The following CCSER2 variants were observed in gnomAD, a reference collection of about 807,000 sequenced individuals.
CCSER2 encodes the protein coiled-coil serine rich protein 2, also known as serine-rich coiled-coil domain-containing protein 2.
A neutral mutation model predicts 92.3 loss-of-function variants in CCSER2; 46 were observed. That is an observed-to-expected ratio of 0.50 (90% CI 0.39 to 0.64). The LOEUF is 0.64. Among genes scored for constraint, CCSER2 ranks in the 30% least tolerant of loss-of-function variants. CCSER2 has a pLI of 0.00. For synonymous variants in CCSER2, 433 were observed against 431.4 expected (o/e 1.00, Z -0.04); for missense variants, 1,244 against 1,238.9 (o/e 1.00, Z -0.06).
chr10:84,367,108 A>G (rs1488588093), intron 1 of CCSER2, among the ~76,000 whole-genome samples: 10 of 151,876 alleles, frequency 6.6e-5, no homozygotes, highest in Admixed American at 5.2e-4. Context: ...TTTTTTCTCT[A>G]CTTGTATTTC....
chr10:84,439,175 TCTC>T (rs935731586), intron 6 of CCSER2, among the ~76,000 whole-genome samples: 9 of 144,742 alleles, frequency 6.2e-5, no homozygotes, highest in Non-Finnish European at 1.0e-4. Flanking sequence ...AGTTTAATCT[TCTC>T]CTGTTTTTTT....
rs1001669399 is a variant in CCSER2, at chr10:84,515,865, T to C, written c.*1598T>C. 4 of 152,234 alleles carry C rather than the reference T, an allele frequency of 2.6e-5. No homozygotes were observed. The highest frequency in any genetic ancestry group is 9.6e-5 in the African/African-American group (4 of 41,454). The allele number at this position is 152,234 out of a possible 1,614,324, so 9.4% of individuals were successfully genotyped here. Reference sequence around the variant, plus strand: ...TAGGTGTGGAACCTCCATGCTACCATGTGCACAAACCTAATTATGCTTTGG... The same window carrying C: ...TAGGTGTGGAACCTCCATGCTACCACGTGCACAAACCTAATTATGCTTTGG... On this transcript the variant is annotated 3_prime_UTR_variant, in exon 10 of 10. Coordinates refer to ENST00000372088, the MANE Select transcript of CCSER2 (RefSeq NM_001284240.2).
At chr10:84,385,004 A>AAC (rs56977232) in intron 3 of CCSER2, among the ~76,000 whole-genome samples, 3,823 of 145,826 alleles carry the variant, frequency 0.026, 64 homozygotes, top group African/African-American at 0.059. Context: ...ATTTACAATA[A>AAC]ACACACACAC....
intron 1 of CCSER2, among the ~76,000 whole-genome samples, chr10:84,370,799 C>T (rs1229692526): frequency 6.6e-6 from 1 of 152,116 alleles, no homozygotes; most frequent in Non-Finnish European, 1.5e-5. Context: ...TCATAGCATA[C>T]ATTTATAAAA....
At chr10:84,375,508 C>T (rs1339094847) in intron 3 of CCSER2, among the ~76,000 whole-genome samples, 1 of 145,052 alleles carries the variant, frequency 6.9e-6, no homozygotes, top group Non-Finnish European at 1.5e-5. Context: ...AAATTTTAGG[C>T]GTGTACCTGT....
At chr10:84,338,840 G>A (rs544860103) in intron 1 of CCSER2, among the ~76,000 whole-genome samples, 1 of 152,246 alleles carries the variant, frequency 6.6e-6, no homozygotes, top group South Asian at 2.1e-4. Context: ...TGTGTTGAAA[G>A]CACATATTAC....
intron 1 of CCSER2, among the ~76,000 whole-genome samples, chr10:84,351,476 C>T (rs77541202): frequency 0.058 from 8,855 of 152,110 alleles, 371 homozygotes; most frequent in Admixed American, 0.1. Context: ...AAGTGAGCCA[C>T]TCACCTTGGC....
At chr10:84,379,452 G>GT (rs954579953) in intron 3 of CCSER2, among the ~76,000 whole-genome samples, 8 of 151,480 alleles carry the variant, frequency 5.3e-5, no homozygotes, top group Non-Finnish European at 1.0e-4. Flanking sequence ...AGTTTAATTT[G>GT]TTTTTTCTTT....
intron 9 of CCSER2, among the ~76,000 whole-genome samples, chr10:84,479,894 A>AG: frequency 6.6e-6 from 1 of 152,148 alleles, no homozygotes; most frequent in Non-Finnish European, 1.5e-5. Context: ...AGCTCTGGGA[A>AG]GGGAGGACAG....
chr10:84,455,736 G>C (rs1031381531), intron 6 of CCSER2: 1 of 954,708 alleles, frequency 1.0e-6, no homozygotes, highest in Non-Finnish European at 1.7e-6. Context: ...TCTGTAAAAT[G>C]CACCTGCACA....
rs1842913571 is a variant in CCSER2, at chr10:84,416,873, G to T, written c.1615-898G>T. ...GTGAACCCAGGAGGCGGAGCTTGCA[G>T]TGAGCCGAGATCGCGCCATTGCACT... On this transcript the variant is annotated intron_variant, in intron 3 of 9. Coordinates refer to ENST00000372088, the MANE Select transcript of CCSER2 (RefSeq NM_001284240.2). Among the ~76,000 whole-genome samples, 3 of 152,186 alleles carry T rather than the reference G, an allele frequency of 2.0e-5. No individual in the cohort carries two copies. The South Asian group carries it at 6.2e-4, about 32-fold the overall frequency.
chr10:84,386,531 A>G (rs1473067343), intron 3 of CCSER2, among the ~76,000 whole-genome samples: 2 of 152,216 alleles, frequency 1.3e-5, no homozygotes, highest in Non-Finnish European at 1.5e-5. Context: ...AGCTTGGCCA[A>G]CATGGCTAAA....
At chr10:84,331,240 G>A (rs1843546398) in intron 1 of CCSER2, among the ~76,000 whole-genome samples, 1 of 152,112 alleles carries the variant, frequency 6.6e-6, no homozygotes, top group Admixed American at 6.6e-5. Flanking sequence ...GGTGCTTTGG[G>A]GTGAAATGAA....
At chr10:84,345,704 G>A (rs566780731) in intron 1 of CCSER2, among the ~76,000 whole-genome samples, 9 of 152,204 alleles carry the variant, frequency 5.9e-5, no homozygotes, top group African/African-American at 1.2e-4. Flanking sequence ...TGTTCCTTAC[G>A]TTGTATTGAC....
intron 6 of CCSER2, among the ~76,000 whole-genome samples, chr10:84,463,514 C>G (rs1186723960): frequency 1.3e-5 from 2 of 152,066 alleles, no homozygotes; most frequent in East Asian, 3.9e-4. Context: ...TGCTGCTAAG[C>G]CTTACTGGGT....
At chr10:84,456,481 C>T (rs1292098413) in intron 6 of CCSER2, among the ~76,000 whole-genome samples, 1 of 152,084 alleles carries the variant, frequency 6.6e-6, no homozygotes, top group African/African-American at 2.4e-5. Flanking sequence ...ATTCATTTAC[C>T]AGCTGAAGGG....
intron 1 of CCSER2, among the ~76,000 whole-genome samples, chr10:84,345,329 A>C (rs1844417461): frequency 6.6e-6 from 1 of 152,234 alleles, no homozygotes; most frequent in Non-Finnish European, 1.5e-5. Context: ...CAGGATACCT[A>C]GCTGAGTAAG....
chr10:84,510,778 A>G (rs897600972), intron 9 of CCSER2, among the ~76,000 whole-genome samples: 10 of 152,154 alleles, frequency 6.6e-5, no homozygotes, highest in East Asian at 1.9e-4. Flanking sequence ...TTGTTGTTCA[A>G]CTTGCTAGCA....
rs1453781501 is a variant in CCSER2, at chr10:84,515,742, G to A, written c.*1475G>A. The A allele has an allele frequency of 1.3e-5, 2 of 151,998 alleles. No individual in the cohort carries two copies. Among genetic ancestry groups the A allele is most frequent in the Admixed American group, 6.6e-5 (1 of 15,250 alleles). The allele number at this position is 151,998 out of a possible 1,614,324, so 9.4% of individuals were successfully genotyped here. A position where few individuals can be genotyped will look rare whatever the true frequency, so the allele number is the denominator to read the frequency against. On this transcript the variant is annotated 3_prime_UTR_variant, in exon 10 of 10. Coordinates refer to ENST00000372088, the MANE Select transcript of CCSER2 (RefSeq NM_001284240.2). ...GACAATTTTTTAAAGGTAGATTTGG[G>A]AAAAAAATAGAATTGAAGATGGGAA...
Sources: gnomAD v4.1 joint callset for allele counts (sites outside exome capture counted in the v4.1 genomes callset) on GRCh38, gnomAD v4.1.1 for gene constraint, MANE v1.5 for transcripts, NCBI Gene and HGNC (gene_info 2026-07-23, HGNC 2026-07-21) for gene names.